Variants in AGMO observed in about 807,000 individuals in gnomAD.
AGMO encodes the protein alkylglycerol monooxygenase, also known as glyceryl-ether monooxygenase.
AGMO carries 75 observed loss-of-function variants against 60.2 expected under a neutral mutation model. The ratio of observed to expected loss-of-function variants is 1.25; its 90% CI spans 1.03 to 1.51. The LOEUF is 1.51. AGMO is among the 40% of genes most tolerant of loss of function. The pLI is 0.00. For missense variants in AGMO, 763 were observed against 525.5 expected (o/e 1.45, Z -4.42); for synonymous variants, 261 against 177.1 (o/e 1.47, Z -3.76).
chr7:15,422,388 A>G (rs1780949949), intron 4 of AGMO, among the ~76,000 whole-genome samples: 1 of 152,076 alleles, frequency 6.6e-6, no homozygotes, highest in Non-Finnish European at 1.5e-5. Context: ...GTCCAAGAGA[A>G]AAAAAACAGT....
chr7:15,541,861 A>T (rs2115274689), intron 3 of AGMO, among the ~76,000 whole-genome samples: 1 of 152,330 alleles, frequency 6.6e-6, no homozygotes, highest in Admixed American at 6.5e-5. Flanking sequence ...AGCATTTAAC[A>T]TACTAACAAA....
chr7:15,208,144 T>G (rs1453668803), intron 12 of AGMO, among the ~76,000 whole-genome samples: 2 of 152,206 alleles, frequency 1.3e-5, no homozygotes, highest in East Asian at 1.9e-4. Flanking sequence ...AAGCTTGAAT[T>G]TGTAGTTTTC....
intron 3 of AGMO, among the ~76,000 whole-genome samples, chr7:15,468,008 T>A (rs186855173): frequency 6.6e-6 from 1 of 152,258 alleles, no homozygotes; most frequent in Admixed American, 6.5e-5. Context: ...CATTTGTAAC[T>A]CTTCCTTTAC....
chr7:15,548,816 C>T (rs530012095), intron 2 of AGMO, among the ~76,000 whole-genome samples: 304 of 152,094 alleles, frequency 2.0e-3, no homozygotes, highest in African/African-American at 4.6e-3. Flanking sequence ...ATACAGAGAA[C>T]GCCACAAAGA....
chr7:15,470,321 G>A (rs1368817521), intron 3 of AGMO, among the ~76,000 whole-genome samples: 1 of 151,966 alleles, frequency 6.6e-6, no homozygotes, highest in Non-Finnish European at 1.5e-5. Flanking sequence ...TAAATAACAA[G>A]AAATTTGAAG....
chr7:15,346,061 C>T (rs180846261), intron 12 of AGMO, among the ~76,000 whole-genome samples: 1 of 152,184 alleles, frequency 6.6e-6, no homozygotes, highest in Admixed American at 6.5e-5. Context: ...GTATATTCTG[C>T]TGTTAGTATC....
chr7:15,307,212 C>T (rs1203910494), intron 12 of AGMO, among the ~76,000 whole-genome samples: 2 of 151,902 alleles, frequency 1.3e-5, no homozygotes, highest in Non-Finnish European at 2.9e-5. Context: ...TTTATATTCC[C>T]TTATGACAGA....
At chr7:15,244,427 T>C (rs1431386641) in intron 12 of AGMO, among the ~76,000 whole-genome samples, 1 of 152,186 alleles carries the variant, frequency 6.6e-6, no homozygotes, top group Non-Finnish European at 1.5e-5. Context: ...GTATAGTTTA[T>C]GCATTAAAAG....
chr7:15,445,166 T>C (rs1353061881), intron 3 of AGMO, among the ~76,000 whole-genome samples: 1 of 152,126 alleles, frequency 6.6e-6, no homozygotes, highest in Admixed American at 6.5e-5. Flanking sequence ...TAACAAACAA[T>C]TGTATATTTA....
intron 5 of AGMO, among the ~76,000 whole-genome samples, chr7:15,399,193 G>C (rs1177241933): frequency 6.6e-6 from 1 of 152,048 alleles, no homozygotes; most frequent in African/African-American, 2.4e-5. Context: ...GAGAACTATG[G>C]ATGCCTAGAA....
chr7:15,372,786 A>C (rs888906749), intron 10 of AGMO, among the ~76,000 whole-genome samples: 6 of 152,206 alleles, frequency 3.9e-5, no homozygotes, highest in Non-Finnish European at 7.3e-5. Context: ...CAAATTATAT[A>C]CTGCTGGTTT....
intron 12 of AGMO, among the ~76,000 whole-genome samples, chr7:15,346,217 G>A (rs904969461): frequency 5.3e-5 from 8 of 152,080 alleles, no homozygotes; most frequent in African/African-American, 1.9e-4. Context: ...AATCAGCAAT[G>A]TAAACAATGT....
chr7:15,383,553 C>T (rs896386721), intron 10 of AGMO, among the ~76,000 whole-genome samples: 2 of 152,066 alleles, frequency 1.3e-5, no homozygotes, highest in African/African-American at 2.4e-5. Flanking sequence ...ACAGTAACAT[C>T]TTCATACTTA....
At chr7:15,137,997 C>T in the AGMO span, among the ~76,000 whole-genome samples, 1 of 152,180 alleles carries the variant, frequency 6.6e-6, no homozygotes, top group African/African-American at 2.4e-5. Flanking sequence ...TTGCTTAAGC[C>T]ATATCCTGGC....
At chr7:15,137,219 G>C in the AGMO span, among the ~76,000 whole-genome samples, 1 of 152,158 alleles carries the variant, frequency 6.6e-6, no homozygotes, top group Non-Finnish European at 1.5e-5. Flanking sequence ...TGTATCTCTA[G>C]AAAGCTTTGC....
chr7:15,293,144 G>C (rs1195350172), intron 12 of AGMO, among the ~76,000 whole-genome samples: 1 of 151,998 alleles, frequency 6.6e-6, no homozygotes, highest in Non-Finnish European at 1.5e-5. Flanking sequence ...AGGTTTCATG[G>C]TACAGGCTCA....
At chr7:15,483,644 A>C (rs957953373) in intron 3 of AGMO, among the ~76,000 whole-genome samples, 2 of 152,202 alleles carry the variant, frequency 1.3e-5, no homozygotes, top group Non-Finnish European at 2.9e-5. Context: ...CACATGGAAA[A>C]GCCTTTTATA....
chr7:15,426,999 T>G (rs1781083513), intron 4 of AGMO, among the ~76,000 whole-genome samples: 1 of 152,084 alleles, frequency 6.6e-6, no homozygotes, highest in African/African-American at 2.4e-5. Context: ...CTCTAAACTA[T>G]AGGCAGAGTT....
At chr7:15,251,148 T>C (rs933983972) in intron 12 of AGMO, among the ~76,000 whole-genome samples, 2 of 152,184 alleles carry the variant, frequency 1.3e-5, no homozygotes, top group Non-Finnish European at 2.9e-5. Context: ...CCTCTTTCTT[T>C]GGGACAGCCT....
Sources: gnomAD v4.1 joint callset for allele counts (sites outside exome capture counted in the v4.1 genomes callset) on GRCh38, gnomAD v4.1.1 for gene constraint, MANE v1.5 for transcripts, NCBI Gene and HGNC (gene_info 2026-07-23, HGNC 2026-07-21) for gene names.